The following OR4K2 variants were observed in gnomAD, a reference collection of about 807,000 sequenced individuals.
The protein encoded by OR4K2 is olfactory receptor 4K2.
In OR4K2, 8 loss-of-function variants were observed where a neutral mutation model predicts 10.5. That is an observed-to-expected ratio of 0.76 (90% CI 0.45 to 1.37). The LOEUF (loss-of-function observed/expected upper bound fraction) is 1.37, where lower values mean the gene tolerates loss of function less well. Among genes scored for constraint, OR4K2 ranks in the 40% most tolerant of loss-of-function variants. The pLI, the probability that OR4K2 is intolerant of heterozygous loss-of-function variation, is 0.00. For synonymous variants in OR4K2, 178 were observed against 133.6 expected (o/e 1.33, Z -2.29); for missense variants, 547 against 379.5 (o/e 1.44, Z -3.67).
chr14:19,877,265 G>T lies in OR4K2; in HGVS notation c.*53G>T. The T allele has an allele frequency of 1.5e-6, 2 of 1,290,468 alleles. No individual in the cohort carries two copies. Among genetic ancestry groups the T allele is most frequent in the Non-Finnish European group, 1.1e-6 (1 of 939,108 alleles). 79.9% of individuals were successfully genotyped at this position (1,290,468 alleles called of 1,614,324 possible). On this transcript the variant is annotated 3_prime_UTR_variant, in exon 2 of 2. Transcript: ENST00000641885. The stretch of plus-strand genomic sequence containing the variant: ...ATGCTGTGTTAGGCTTTTCTTTCTA[G>T]AGGGTTCTTACCAAATTGTAATTGC...
rs1880960737 is a variant in OR4K2, at chr14:19,878,270, A to G, written c.*1058A>G. The G allele has an allele frequency of 6.6e-6, 1 of 152,222 alleles. No homozygotes were observed. The highest frequency in any genetic ancestry group is 2.1e-4 in the South Asian group (1 of 4,828). 9.4% of individuals were successfully genotyped at this position (152,222 alleles called of 1,614,324 possible). A position where few individuals can be genotyped will look rare whatever the true frequency, so the allele number is the denominator to read the frequency against. ...GAATTGCAAGTATTGAAAGAGGAAAAATAATTGTGTATACCCTACTTTGCA... is the reference window on the plus strand; with the variant it reads ...GAATTGCAAGTATTGAAAGAGGAAAGATAATTGTGTATACCCTACTTTGCA... On this transcript the variant is annotated 3_prime_UTR_variant, in exon 2 of 2. Transcript: ENST00000641885.
rs531339017 is a variant in OR4K2 at position 19,878,180 on chromosome 14, T to A, written c.*968T>A. ...AGGTTTTATTACTGTTATAAATAAA[T>A]CTGGTAGGTTCAATATTAGCTTTAA... is the stretch of plus-strand genomic sequence containing the variant. On this transcript the variant is annotated 3_prime_UTR_variant, in exon 2 of 2. Coordinates refer to ENST00000641885, the MANE Select transcript of OR4K2 (RefSeq NM_001005501.2). 8 of 152,354 alleles carry A rather than the reference T, an allele frequency of 5.3e-5. No individual in the cohort carries two copies. In the South Asian group the frequency reaches 1.7e-3, roughly 32 times the overall value. The allele number at this position is 152,354 out of a possible 1,614,324, so 9.4% of individuals were successfully genotyped here. A position where few individuals can be genotyped will look rare whatever the true frequency, so the allele number is the denominator to read the frequency against.
Position 19,876,606 on chromosome 14 carries a change from C to G in OR4K2, c.339C>G (p.Ile113Met). 6.2e-7 allele frequency: 1 copy of G among 1,614,196 alleles called. No individual in the cohort carries two copies. The change falls in exon 2 of 2, where the codon ATC becomes ATG. Residue 113 changes from isoleucine (I) to methionine (M), a missense_variant. By Grantham distance (10) the Ile-to-Met change is conservative (BLOSUM62 1). Coordinates refer to ENST00000641885, the MANE Select transcript of OR4K2 (RefSeq NM_001005501.2). ...FLHLFTGTEIILLMAMSFDRY... is the reference protein window; with the variant it reads ...FLHLFTGTEIMLLMAMSFDRY... ...ACCTTTTCACTGGAACTGAGATCAT[C>G]TTACTCATGGCCATGTCCTTTGATA...
At position 19,879,087 on chromosome 14, in the gene OR4K2, G is replaced by T. The variant is rs1594428448; in HGVS notation, c.*1875G>T. 6.6e-6 allele frequency: 1 copy of T among 152,348 alleles called. No homozygotes were observed. Among genetic ancestry groups the T allele is most frequent in the South Asian group, 2.1e-4 (1 of 4,828 alleles). The allele number at this position is 152,348 out of a possible 1,614,324, so 9.4% of individuals were successfully genotyped here. A position where few individuals can be genotyped will look rare whatever the true frequency, so the allele number is the denominator to read the frequency against. Reference sequence around the variant, plus strand: ...ATACCCTCAAAGGTGTAGCTGATCAGCAGACAACTCTATAAGGCAAGTCAA... The same window carrying T: ...ATACCCTCAAAGGTGTAGCTGATCATCAGACAACTCTATAAGGCAAGTCAA... On this transcript the variant is annotated 3_prime_UTR_variant, in exon 2 of 2. Transcript: ENST00000641885.
In OR4K2 at chr14:19,879,403, G is replaced by A. The variant is rs1244277159; in HGVS notation, c.*2191G>A. 1 of 152,330 alleles carries A rather than the reference G, an allele frequency of 6.6e-6. No homozygotes were observed. The highest frequency in any genetic ancestry group is 2.4e-5 in the African/African-American group (1 of 41,458). The allele number at this position is 152,330 out of a possible 1,614,324, so 9.4% of individuals were successfully genotyped here. On this transcript the variant is annotated 3_prime_UTR_variant, in exon 2 of 2. Transcript: ENST00000641885. ...AGTGACATGGCCATGGACTCGTTAA[G>A]CAATAGTAAGGATGGTGCCAGCTGC...
At chr14:19,876,214 CT>C (rs35601631) in intron 1 of OR4K2, 30 bp from the exon 2 acceptor site, 100,257 of 635,006 alleles carry the variant, frequency 0.16, 1,423 homozygotes, top group Middle Eastern at 0.2. Flanking sequence ...TCTGACTTTC[CT>C]TTTTTTTTTT....
chr14:19,883,786 T>C lies in OR4K2; in HGVS notation c.*6574T>C, dbSNP rs967055655. On this transcript the variant is annotated 3_prime_UTR_variant, in exon 2 of 2. Transcript: ENST00000641885. ...TGAATCATCAACATCTTTATATAAC[T>C]TTTCCAATTTTTTAAAGAAAGATAC... The C allele has an allele frequency of 6.6e-6, 1 of 152,248 alleles. No individual in the cohort carries two copies. Among genetic ancestry groups the C allele is most frequent in the South Asian group, 2.1e-4 (1 of 4,836 alleles). 9.4% of individuals were successfully genotyped at this position (152,248 alleles called of 1,614,324 possible). A position where few individuals can be genotyped will look rare whatever the true frequency, so the allele number is the denominator to read the frequency against.
In OR4K2 at chr14:19,880,810, G is replaced by C. The variant is rs899806197; in HGVS notation, c.*3598G>C. The stretch of plus-strand genomic sequence containing the variant: ...TTACAATTGTTGTCAGAATAAGAAT[G>C]ATGTTTGACTCATATTATTAAGGTG... On this transcript the variant is annotated 3_prime_UTR_variant, in exon 2 of 2. Transcript: ENST00000641885. The C allele has an allele frequency of 6.6e-6, 1 of 152,230 alleles. No individual in the cohort carries two copies. The highest frequency in any genetic ancestry group is 2.4e-5 in the African/African-American group (1 of 41,468). 9.4% of individuals were successfully genotyped at this position (152,230 alleles called of 1,614,324 possible). A position where few individuals can be genotyped will look rare whatever the true frequency, so the allele number is the denominator to read the frequency against.
At position 19,882,502 on chromosome 14, in the gene OR4K2, A is replaced by G. The variant is rs1433443112; in HGVS notation, c.*5290A>G. 1 of 152,232 alleles carries G rather than the reference A, an allele frequency of 6.6e-6. No individual in the cohort carries two copies. The highest frequency in any genetic ancestry group is 2.4e-5 in the African/African-American group (1 of 41,444). The allele number at this position is 152,232 out of a possible 1,614,324, so 9.4% of individuals were successfully genotyped here. On this transcript the variant is annotated 3_prime_UTR_variant, in exon 2 of 2. Transcript: ENST00000641885. ...GCAAGGTAAAGAAAAATACACAAAC[A>G]TGTTTAGCTTAATGAAATATTACAA...
Position 19,876,250 on chromosome 14 carries a change from T to C in OR4K2, c.-18T>C. 9.2e-7 allele frequency: 1 copy of C among 1,086,120 alleles called. No homozygotes were observed. Among genetic ancestry groups the C allele is most frequent in the South Asian group, 1.4e-5 (1 of 70,578 alleles). The allele number at this position is 1,086,120 out of a possible 1,614,324, so 67.3% of individuals were successfully genotyped here. On this transcript the variant is annotated 5_prime_UTR_variant, in exon 2 of 2. Coordinates refer to ENST00000641885, the MANE Select transcript of OR4K2 (RefSeq NM_001005501.2). The stretch of plus-strand genomic sequence containing the variant: ...TTTTTTTTTTCGTGATACAGGCTTC[T>C]GCCTATGAATCAAGACAATGGATGT...
rs1881006017 is a variant in OR4K2 at position 19,880,293 on chromosome 14, T to G, written c.*3081T>G. ...TACTTCTACTACTAGTGGTGTAAAC[T>G]TAAGCTAAGTACTTAATACCTCTTA... On this transcript the variant is annotated 3_prime_UTR_variant, in exon 2 of 2. Coordinates refer to ENST00000641885, the MANE Select transcript of OR4K2 (RefSeq NM_001005501.2). 1 of 152,224 alleles carries G rather than the reference T, an allele frequency of 6.6e-6. No individual in the cohort carries two copies. Among genetic ancestry groups the G allele is most frequent in the Admixed American group, 6.5e-5 (1 of 15,278 alleles). 9.4% of individuals were successfully genotyped at this position (152,224 alleles called of 1,614,324 possible). A position where few individuals can be genotyped will look rare whatever the true frequency, so the allele number is the denominator to read the frequency against.
rs1880954023 is a variant in OR4K2 at position 19,878,043 on chromosome 14, A to T, written c.*831A>T. On this transcript the variant is annotated 3_prime_UTR_variant, in exon 2 of 2. Transcript: ENST00000641885. Reference sequence around the variant, plus strand: ...GTCCATGCTTTCATTTTAAAGTGTTATATTGCTTTCCATTTTGGTTATTTT... The same window carrying T: ...GTCCATGCTTTCATTTTAAAGTGTTTTATTGCTTTCCATTTTGGTTATTTT... 1 of 152,212 alleles carries T rather than the reference A, an allele frequency of 6.6e-6. No homozygotes were observed. Among genetic ancestry groups the T allele is most frequent in the South Asian group, 2.1e-4 (1 of 4,838 alleles). The allele number at this position is 152,212 out of a possible 1,614,324, so 9.4% of individuals were successfully genotyped here.
Position 19,879,537 on chromosome 14 carries a change from T to C in OR4K2, c.*2325T>C, listed in dbSNP as rs937610332. 6.6e-6 allele frequency: 1 copy of C among 152,188 alleles called. No individual in the cohort carries two copies. The highest frequency in any genetic ancestry group is 1.5e-5 in the Non-Finnish European group (1 of 68,040). The allele number at this position is 152,188 out of a possible 1,614,324, so 9.4% of individuals were successfully genotyped here. A position where few individuals can be genotyped will look rare whatever the true frequency, so the allele number is the denominator to read the frequency against. ...ATCTGCAATAACACAACTGAGGGAG[T>C]TCTGGAGCATTTATAAGAAGAGTGT... On this transcript the variant is annotated 3_prime_UTR_variant, in exon 2 of 2. Transcript: ENST00000641885.
chr14:19,876,233 TTCG>T lies in OR4K2; in HGVS notation c.-23-10_-23-8del, dbSNP rs869066832. On this transcript the variant is annotated splice_polypyrimidine_tract_variant and intron_variant, in intron 1 of 1. Coordinates refer to ENST00000641885, the MANE Select transcript of OR4K2 (RefSeq NM_001005501.2). ...ACTTTCCTTTTTTTTTTTTTTTTTT[TTCG>T]TGATACAGGCTTCTGCCTATGAATC... 3.0e-6 allele frequency: 3 copies of T among 986,196 alleles called. No homozygotes were observed. Among genetic ancestry groups the T allele is most frequent in the Non-Finnish European group, 4.2e-6 (3 of 712,110 alleles). The allele number at this position is 986,196 out of a possible 1,614,324, so 61.1% of individuals were successfully genotyped here. A position where few individuals can be genotyped will look rare whatever the true frequency, so the allele number is the denominator to read the frequency against.
Position 19,881,000 on chromosome 14 carries a change from T to C in OR4K2, c.*3788T>C, listed in dbSNP as rs1415070290. On this transcript the variant is annotated 3_prime_UTR_variant, in exon 2 of 2. Transcript: ENST00000641885. Reference sequence around the variant, plus strand: ...GGTAAAATGCTGTTATTTGTGCATATCCAGACTCCTTATGAAAGTATTTTC... The same window carrying C: ...GGTAAAATGCTGTTATTTGTGCATACCCAGACTCCTTATGAAAGTATTTTC... The C allele has an allele frequency of 2.0e-5, 3 of 147,970 alleles. No homozygotes were observed. The highest frequency in any genetic ancestry group is 7.5e-5 in the African/African-American group (3 of 39,754). 9.2% of individuals were successfully genotyped at this position (147,970 alleles called of 1,614,324 possible).
At position 19,881,637 on chromosome 14, in the gene OR4K2, G is replaced by C. The variant is rs1160822945; in HGVS notation, c.*4425G>C. ...TTTTTAAATTAAAAAATGTTCTCGGGCTGGAGGCTCCAGGTTTTTTTCCCC... is the reference window on the plus strand; with the variant it reads ...TTTTTAAATTAAAAAATGTTCTCGGCCTGGAGGCTCCAGGTTTTTTTCCCC... On this transcript the variant is annotated 3_prime_UTR_variant, in exon 2 of 2. Transcript: ENST00000641885. The C allele has an allele frequency of 6.6e-6, 1 of 151,890 alleles. No individual in the cohort carries two copies. Among genetic ancestry groups the C allele is most frequent in the Non-Finnish European group, 1.5e-5 (1 of 68,014 alleles). The allele number at this position is 151,890 out of a possible 1,614,324, so 9.4% of individuals were successfully genotyped here.
Position 19,881,983 on chromosome 14 carries a change from C to G in OR4K2, c.*4771C>G, listed in dbSNP as rs142807962. On this transcript the variant is annotated 3_prime_UTR_variant, in exon 2 of 2. Coordinates refer to ENST00000641885, the MANE Select transcript of OR4K2 (RefSeq NM_001005501.2). ...TTGGGTAAATTAAGCAGATTTAATACAATGTATTAAATGCTTGTGAATAAT... is the reference window on the plus strand; with the variant it reads ...TTGGGTAAATTAAGCAGATTTAATAGAATGTATTAAATGCTTGTGAATAAT... 2.6e-4 allele frequency: 40 copies of G among 152,134 alleles called. No individual in the cohort carries two copies. The highest frequency in any genetic ancestry group is 9.4e-4 in the African/African-American group (39 of 41,410). The allele number at this position is 152,134 out of a possible 1,614,324, so 9.4% of individuals were successfully genotyped here. A position where few individuals can be genotyped will look rare whatever the true frequency, so the allele number is the denominator to read the frequency against.
Position 19,877,750 on chromosome 14 carries a change from C to G in OR4K2, c.*538C>G, listed in dbSNP as rs1330239028. The G allele has an allele frequency of 6.5e-6, 1 of 152,720 alleles. No homozygotes were observed. Among genetic ancestry groups the G allele is most frequent in the Admixed American group, 6.5e-5 (1 of 15,306 alleles). 9.5% of individuals were successfully genotyped at this position (152,720 alleles called of 1,614,324 possible). A position where few individuals can be genotyped will look rare whatever the true frequency, so the allele number is the denominator to read the frequency against. ...AGAAAACTCTAGATATATTTTATTT[C>G]GAATGTTAATGACGTCCATAAAATT... is the stretch of plus-strand genomic sequence containing the variant. On this transcript the variant is annotated 3_prime_UTR_variant, in exon 2 of 2. Transcript: ENST00000641885.
At position 19,883,635 on chromosome 14, in the gene OR4K2, T is replaced by A. The variant is rs897858168; in HGVS notation, c.*6423T>A. The A allele has an allele frequency of 3.9e-5, 6 of 152,350 alleles. No individual in the cohort carries two copies. The highest frequency in any genetic ancestry group is 6.8e-3 in the Middle Eastern group (2 of 292). 9.4% of individuals were successfully genotyped at this position (152,350 alleles called of 1,614,324 possible). ...TATTAGTAGTTAAATAATTAAATAG[T>A]AGTTAAAGTAATTAAATAGGACTCT... On this transcript the variant is annotated 3_prime_UTR_variant, in exon 2 of 2. Transcript: ENST00000641885.
Sources: gnomAD v4.1 joint callset for allele counts on GRCh38, gnomAD v4.1.1 for gene constraint, MANE v1.5 for transcripts, NCBI Gene and HGNC (gene_info 2026-07-23, HGNC 2026-07-21) for gene names.